The following ITPR2 variants were observed in gnomAD, a reference collection of about 807,000 sequenced individuals.
The protein encoded by ITPR2 is inositol 1,4,5-trisphosphate receptor type 2, also known as inositol 1,4,5-trisphosphate-gated calcium channel ITPR2.
In ITPR2, 207 loss-of-function variants were observed where a neutral mutation model predicts 317.1. The ratio of observed to expected loss-of-function variants is 0.65; its 90% confidence interval spans 0.58 to 0.73. The LOEUF is 0.73. ITPR2 is among the 30% of genes least tolerant of loss of function. The pLI is 0.00. For synonymous variants in ITPR2, 1,156 were observed against 1,149.1 expected, an observed-to-expected ratio of 1.01 and a Z score of -0.12; for missense variants, 2,613 against 3,284.0, an observed-to-expected ratio of 0.80 and a Z score of 4.99.
intron 1 of ITPR2, among the ~76,000 whole-genome samples, chr12:26,818,111 G>A (rs1399296377): frequency 6.6e-6 from 1 of 152,176 alleles, no homozygotes; most frequent in African/African-American, 2.4e-5. Context: ...ACTAAATAAT[G>A]TGGTTATTGT....
chr12:26,525,745 C>T (rs569352174), intron 37 of ITPR2, among the ~76,000 whole-genome samples: 9 of 152,330 alleles, frequency 5.9e-5, no homozygotes, highest in Admixed American at 2.6e-4. Flanking sequence ...CTACTATGCC[C>T]TGTTCCTTCC....
intron 55 of ITPR2, among the ~76,000 whole-genome samples, chr12:26,362,783 T>C (rs1938878164): frequency 6.6e-6 from 1 of 152,210 alleles, no homozygotes; most frequent in Non-Finnish European, 1.5e-5. Flanking sequence ...TTTTCTCTCC[T>C]ATCCTAGAAC....
At chr12:26,479,808 A>G (rs1942505260) in intron 43 of ITPR2, among the ~76,000 whole-genome samples, 1 of 152,300 alleles carries the variant, frequency 6.6e-6, no homozygotes, top group East Asian at 1.9e-4. Context: ...GTGTGGTGGC[A>G]TGCACCTGTA....
At chr12:26,756,678 A>T (rs1949527531) in intron 2 of ITPR2, among the ~76,000 whole-genome samples, 1 of 152,228 alleles carries the variant, frequency 6.6e-6, no homozygotes, top group African/African-American at 2.4e-5. Context: ...AGAGATGCTA[A>T]TAGGCAGAAA....
intron 46 of ITPR2, among the ~76,000 whole-genome samples, chr12:26,439,626 C>T (rs1463863937): frequency 6.6e-6 from 1 of 152,140 alleles, no homozygotes; most frequent in Non-Finnish European, 1.5e-5. Flanking sequence ...TTGTGAAGTA[C>T]ATCCTAAAAC....
At chr12:26,676,023 T>C (rs1947899479) in intron 13 of ITPR2, among the ~76,000 whole-genome samples, 1 of 151,994 alleles carries the variant, frequency 6.6e-6, no homozygotes, top group Non-Finnish European at 1.5e-5. Flanking sequence ...CTAGGTGTGG[T>C]GGCACACACC....
rs1937900305 is a variant in ITPR2 at position 26,335,889 on chromosome 12, T to C, written c.*3508A>G. 6.6e-6 allele frequency: 1 copy of C among 152,186 alleles called. No homozygotes were observed. Among genetic ancestry groups the C allele is most frequent in the South Asian group, 2.1e-4 (1 of 4,826 alleles). 9.4% of individuals were successfully genotyped at this position (152,186 alleles called of 1,614,324 possible). On this transcript the variant is annotated 3_prime_UTR_variant, in exon 57 of 57. Transcript: ENST00000381340. ...CCTCTGCGGTGCACCGTGTCGTGTA[T>C]CACAGCATATTGGAATGGGTCTGTA...
At chr12:26,568,538 T>G (rs1262947432) in intron 34 of ITPR2, among the ~76,000 whole-genome samples, 1 of 152,070 alleles carries the variant, frequency 6.6e-6, no homozygotes, top group Non-Finnish European at 1.5e-5. Context: ...TATTATTAAA[T>G]ATTGCTTATT....
chr12:26,529,285 C>T (rs1943891150), intron 37 of ITPR2, among the ~76,000 whole-genome samples: 1 of 152,208 alleles, frequency 6.6e-6, no homozygotes, highest in Non-Finnish European at 1.5e-5. Context: ...CTACATGATC[C>T]AGCCCCTTCT....
intron 55 of ITPR2, among the ~76,000 whole-genome samples, chr12:26,369,485 T>C (rs566091823): frequency 6.6e-6 from 1 of 152,320 alleles, no homozygotes; most frequent in South Asian, 2.1e-4. Flanking sequence ...GGAATGAATG[T>C]ACATCGTGTA....
chr12:26,736,928 C>T (rs1949129541), intron 2 of ITPR2, among the ~76,000 whole-genome samples: 4 of 152,152 alleles, frequency 2.6e-5, no homozygotes, highest in African/African-American at 9.7e-5. Flanking sequence ...ATTTGAGCAA[C>T]GATAGTTCAA....
At chr12:26,556,853 T>C (rs1591896682) in intron 35 of ITPR2, among the ~76,000 whole-genome samples, 1 of 146,194 alleles carries the variant, frequency 6.8e-6, no homozygotes, top group Non-Finnish European at 1.5e-5. Context: ...CCAAGGCAGG[T>C]GGATTGCATG....
intron 2 of ITPR2, among the ~76,000 whole-genome samples, chr12:26,767,074 G>A (rs1464049403): frequency 6.6e-6 from 1 of 152,144 alleles, no homozygotes; most frequent in Non-Finnish European, 1.5e-5. Context: ...CAGTCCCCCA[G>A]TCATTCCTTC....
intron 1 of ITPR2, among the ~76,000 whole-genome samples, chr12:26,804,683 AATAG>A (rs1318088247): frequency 6.6e-6 from 1 of 152,202 alleles, no homozygotes; most frequent in Non-Finnish European, 1.5e-5. Context: ...TATAATTAAT[AATAG>A]ATAATGAATT....
chr12:26,606,113 T>C (rs1360341800), intron 26 of ITPR2, among the ~76,000 whole-genome samples: 2 of 152,076 alleles, frequency 1.3e-5, no homozygotes, highest in African/African-American at 2.4e-5. Context: ...CCTGAATCTA[T>C]TCTAATGACA....
At chr12:26,653,658 C>T (rs1196525952) in intron 21 of ITPR2, among the ~76,000 whole-genome samples, 2 of 152,174 alleles carry the variant, frequency 1.3e-5, no homozygotes, top group East Asian at 3.8e-4. Flanking sequence ...AGGAGAATTG[C>T]TTGAACCACA....
intron 51 of ITPR2, among the ~76,000 whole-genome samples, chr12:26,414,450 A>C (rs1940658098): frequency 3.9e-5 from 6 of 152,110 alleles, no homozygotes; most frequent in Admixed American, 3.9e-4. Context: ...AAAGAGTGTC[A>C]TATTTTGGTT....
intron 45 of ITPR2, among the ~76,000 whole-genome samples, chr12:26,459,584 C>T (rs1014960803): frequency 1.3e-5 from 2 of 152,210 alleles, no homozygotes; most frequent in Non-Finnish European, 2.9e-5. Context: ...TTTGGCCCCA[C>T]CCTCTTTTGT....
intron 1 of ITPR2, among the ~76,000 whole-genome samples, chr12:26,800,139 T>A (rs1950529746): frequency 1.3e-5 from 2 of 152,208 alleles, no homozygotes; most frequent in Admixed American, 6.5e-5. Flanking sequence ...TCTGTCTGCT[T>A]TTGGTCACTC....
Sources: gnomAD v4.1 joint callset for allele counts (sites outside exome capture counted in the v4.1 genomes callset) on GRCh38, gnomAD v4.1.1 for gene constraint, MANE v1.5 for transcripts, NCBI Gene and HGNC (gene_info 2026-07-23, HGNC 2026-07-21) for gene names.